ADAM22: variants seen among roughly 807,000 people sequenced by gnomAD.
ADAM22 encodes disintegrin and metalloproteinase domain-containing protein 22.
A neutral mutation model predicts 144.6 loss-of-function variants in ADAM22; 65 were observed. The observed-to-expected ratio is 0.45, with a 90% confidence interval of 0.37 to 0.55. The LOEUF is 0.55. Ranked by LOEUF, ADAM22 falls within the 20% of genes least tolerant of loss-of-function variation. The pLI is 0.00. For synonymous variants in ADAM22, 391 were observed against 412.6 expected (o/e 0.95, Z 0.63); for missense variants, 974 against 1,184.9 (o/e 0.82, Z 2.61).
At chr7:87,978,561 A>T (rs1369350213) in intron 3 of ADAM22, 149 bp downstream of exon 3, 1 of 596,628 alleles carries the variant, frequency 1.7e-6, no homozygotes. Flanking sequence ...ACTGTAGGTT[A>T]TAAAGTCTGG....
chr7:88,091,878 G>T (rs562890914), intron 4 of ADAM22, among the ~76,000 whole-genome samples: 1 of 152,084 alleles, frequency 6.6e-6, no homozygotes, highest in Non-Finnish European at 1.5e-5. Flanking sequence ...AGATGTGTTA[G>T]TTCAGGTGAG....
At chr7:88,130,212 G>A (rs889484707) in intron 9 of ADAM22, among the ~76,000 whole-genome samples, 176 bp from the exon 10 acceptor site, 1 of 151,760 alleles carries the variant, frequency 6.6e-6, no homozygotes, top group Non-Finnish European at 1.5e-5. Flanking sequence ...AGCAGATAAA[G>A]AACTTGATCT....
intron 3 of ADAM22, among the ~76,000 whole-genome samples, chr7:88,041,648 T>A (rs1187352810): frequency 6.6e-6 from 1 of 151,974 alleles, no homozygotes; most frequent in African/African-American, 2.4e-5. Flanking sequence ...ACTTTTGCCC[T>A]TATCCTTTGT....
At chr7:88,168,092 G>A (rs767482238) in intron 24 of ADAM22, 45 bp from the exon 25 acceptor site, 3 of 1,546,034 alleles carry the variant, frequency 1.9e-6, no homozygotes, top group Non-Finnish European at 2.7e-6. Context: ...TTTCTGAAAG[G>A]ATTTTATACC....
chr7:88,024,851 T>C (rs1563052490), intron 3 of ADAM22, among the ~76,000 whole-genome samples: 1 of 152,142 alleles, frequency 6.6e-6, no homozygotes, highest in Non-Finnish European at 1.5e-5. Flanking sequence ...GGTTACCACC[T>C]TCATCCATGT....
At position 87,954,763 on chromosome 7, in the gene ADAM22, A is replaced by G. The variant is rs1009873197; in HGVS notation, c.246+19577A>G. Among the ~76,000 whole-genome samples the G allele has an allele frequency of 5.9e-5, 9 of 152,182 alleles. No individual in the cohort carries two copies. In the South Asian group the frequency reaches 1.0e-3, roughly 18 times the overall value. ...TTTCCAACTTGGTTCCATTCTCCCC[A>G]TCACTTTCAGGTACACCAATCAGAC... On this transcript the variant is annotated intron_variant, in intron 2 of 31. Coordinates refer to ENST00000413139, the MANE Select transcript of ADAM22 (RefSeq NM_001324418.2).
At chr7:88,107,416 G>C (rs1824733323) in intron 4 of ADAM22, among the ~76,000 whole-genome samples, 1 of 151,714 alleles carries the variant, frequency 6.6e-6, no homozygotes, top group African/African-American at 2.4e-5. Context: ...GGCTGGGCTG[G>C]TTTGGAACTC....
intron 2 of ADAM22, among the ~76,000 whole-genome samples, chr7:87,939,883 T>G (rs1386241002): frequency 3.3e-5 from 5 of 152,136 alleles, no homozygotes; most frequent in Non-Finnish European, 7.4e-5. Context: ...ATTCAGGAAT[T>G]ACTTTTCACT....
rs543649568 is a variant in ADAM22 at position 88,109,507 on chromosome 7, C to T, written c.473+1249C>T. On this transcript the variant is annotated intron_variant, in intron 5 of 31. Transcript: ENST00000413139. ...CAGCACTTTAATTTTGTTAAATTTTCGTTGAGAAACTTTAAAATAATTCCT... is the reference window on the plus strand; with the variant it reads ...CAGCACTTTAATTTTGTTAAATTTTTGTTGAGAAACTTTAAAATAATTCCT... Among the ~76,000 whole-genome samples, 4 of 152,054 alleles carry T rather than the reference C, an allele frequency of 2.6e-5. No homozygotes were observed. In the East Asian group the frequency reaches 7.7e-4, roughly 29 times the overall value.
At chr7:88,164,755 T>C in intron 23 of ADAM22, among the ~76,000 whole-genome samples, 1 of 152,120 alleles carries the variant, frequency 6.6e-6, no homozygotes, top group East Asian at 1.9e-4. Context: ...GTTCAATAAA[T>C]GTAAGCTATG....
In ADAM22 at chr7:88,084,936, G is replaced by C. The variant is rs12666405; in HGVS notation, c.390+9244G>C. On this transcript the variant is annotated intron_variant, in intron 4 of 31. Transcript: ENST00000413139. ...TTGGTTTGTGCATGGTTTTCTTCCT[G>C]TGTCTTCACATGGCTTTCCCTCTGT... 5.5e-3 allele frequency among the ~76,000 whole-genome samples: 842 copies of C among 152,258 alleles called. 11 individuals are homozygous for C. The highest frequency in any genetic ancestry group is 0.038 in the East Asian group (196 of 5,182).
At chr7:88,080,928 A>C (rs1816381094) in intron 4 of ADAM22, among the ~76,000 whole-genome samples, 1 of 152,232 alleles carries the variant, frequency 6.6e-6, no homozygotes, top group Admixed American at 6.5e-5. Flanking sequence ...AGGAACTGGT[A>C]CCATTCCTTC....
chr7:88,140,064 T>C (rs1834149654), intron 14 of ADAM22, among the ~76,000 whole-genome samples: 1 of 151,976 alleles, frequency 6.6e-6, no homozygotes, highest in African/African-American at 2.4e-5. Context: ...AGCAGGTGTG[T>C]CACATGGCAA....
intron 19 of ADAM22, 91 bp from the exon 20 acceptor site, chr7:88,151,166 T>C (rs1838239741): frequency 6.5e-7 from 1 of 1,538,604 alleles, no homozygotes; most frequent in Admixed American, 1.7e-5. Flanking sequence ...CTACTATTCA[T>C]CTATTATTTT....
chr7:87,955,555 C>A (rs1454366530), intron 2 of ADAM22, among the ~76,000 whole-genome samples: 1 of 152,154 alleles, frequency 6.6e-6, no homozygotes, highest in Non-Finnish European at 1.5e-5. Flanking sequence ...CTGGGGGGTG[C>A]CTCCCAGTTA....
At chr7:88,018,864 T>C (rs1290819237) in intron 3 of ADAM22, among the ~76,000 whole-genome samples, 1 of 152,236 alleles carries the variant, frequency 6.6e-6, no homozygotes, top group African/African-American at 2.4e-5. Context: ...ACTTAATTTC[T>C]GAGAAATAAC....
chr7:88,119,170 G>T (rs1828595181), intron 7 of ADAM22, among the ~76,000 whole-genome samples: 1 of 151,930 alleles, frequency 6.6e-6, no homozygotes, highest in African/African-American at 2.4e-5. Flanking sequence ...TATTTCCTGT[G>T]GACACTTATG....
intron 3 of ADAM22, among the ~76,000 whole-genome samples, chr7:87,987,202 A>G (rs558111500): frequency 9.2e-5 from 14 of 152,048 alleles, no homozygotes; most frequent in African/African-American, 3.1e-4. Context: ...TTTTTTTTGG[A>G]CAGTCTCACT....
chr7:87,945,676 C>A (rs945522181), intron 2 of ADAM22, among the ~76,000 whole-genome samples: 2 of 151,980 alleles, frequency 1.3e-5, no homozygotes, highest in Non-Finnish European at 2.9e-5. Flanking sequence ...CCGCACCCAG[C>A]TAATTTTTTG....
Sources: allele counts gnomAD v4.1 joint callset (sites outside exome capture counted in the v4.1 genomes callset), GRCh38; gene constraint gnomAD v4.1.1; transcripts MANE v1.5; gene names NCBI Gene and HGNC (gene_info 2026-07-23, HGNC 2026-07-21).